PCDH15: variants seen among roughly 807,000 people sequenced by gnomAD.
The protein encoded by PCDH15 is protocadherin related 15.
PCDH15 carries 129 observed loss-of-function variants against 178.5 expected under a neutral mutation model. The observed-to-expected ratio is 0.72, with a 90% confidence interval of 0.63 to 0.84. The LOEUF is 0.84. Among genes scored for constraint, PCDH15 ranks in the 40% least tolerant of loss-of-function variants. The pLI is 0.00. For synonymous variants in PCDH15, 800 were observed against 732.0 expected (o/e 1.09, Z -1.50); for missense variants, 2,230 against 2,099.9 (o/e 1.06, Z -1.21).
At chr10:55,495,177 C>G (rs987551679) in intron 2 of PCDH15, among the ~76,000 whole-genome samples, 1 of 151,710 alleles carries the variant, frequency 6.6e-6, no homozygotes, top group Non-Finnish European at 1.5e-5. Context: ...TGTATGTCTT[C>G]ATGGCCTTGG....
chr10:55,347,159 G>A (rs1240007854), intron 2 of PCDH15, among the ~76,000 whole-genome samples: 1 of 152,092 alleles, frequency 6.6e-6, no homozygotes, highest in African/African-American at 2.4e-5. Context: ...AGGTTGTAGT[G>A]AGATGAGATC....
intron 2 of PCDH15, among the ~76,000 whole-genome samples, chr10:54,651,634 A>C (rs10509016): frequency 6.6e-6 from 1 of 152,078 alleles, no homozygotes; most frequent in Non-Finnish European, 1.5e-5. Context: ...AGTCACTCAA[A>C]GATAAGGGCT....
At chr10:55,464,033 G>GAAAGAA (rs1839770604) in intron 2 of PCDH15, among the ~76,000 whole-genome samples, 1 of 121,674 alleles carries the variant, frequency 8.2e-6, no homozygotes, top group Admixed American at 8.9e-5. Flanking sequence ...AAGAAAGAAA[G>GAAAGAA]AAAGAAAGAA....
intron 3 of PCDH15, among the ~76,000 whole-genome samples, chr10:54,478,515 C>T (rs1322816049): frequency 6.6e-6 from 1 of 151,976 alleles, no homozygotes; most frequent in Non-Finnish European, 1.5e-5. Context: ...TTCCTTTAAG[C>T]CAAATCTTTA....
At chr10:54,191,484 C>T (rs2048981445) in intron 11 of PCDH15, among the ~76,000 whole-genome samples, 1 of 152,122 alleles carries the variant, frequency 6.6e-6, no homozygotes. Context: ...AAAGAAACGA[C>T]AAGCAGTTGC....
intron 7 of PCDH15, among the ~76,000 whole-genome samples, chr10:54,321,180 T>A (rs2061581246): frequency 7.7e-6 from 1 of 129,510 alleles, no homozygotes; most frequent in East Asian, 2.0e-4. Context: ...TTTTTATTTA[T>A]AAAATATTTA....
intron 3 of PCDH15, among the ~76,000 whole-genome samples, chr10:54,443,353 C>T (rs1297481802): frequency 6.6e-6 from 1 of 151,284 alleles, no homozygotes; most frequent in Admixed American, 6.6e-5. Context: ...TCGGAAGCCC[C>T]TGGGAAATGG....
At chr10:54,703,027 C>T (rs932447389) in intron 1 of PCDH15, among the ~76,000 whole-genome samples, 5 of 152,062 alleles carry the variant, frequency 3.3e-5, no homozygotes, top group Non-Finnish European at 5.9e-5. Flanking sequence ...AGCTCATTCA[C>T]CATGATCAAG....
In PCDH15 at chr10:54,961,370, C is replaced by T. The variant is rs534086694; in HGVS notation, c.-79-63870G>A. On this transcript the variant is annotated intron_variant, in intron 2 of 5. Coordinates refer to the PCDH15 transcript ENST00000458638. ...GCCTGCAGGAACCCCTCCACATGAA[C>T]ATCCTGGGTGCTATGGATGGCATGT... is the stretch of plus-strand genomic sequence containing the variant. Among the ~76,000 whole-genome samples the T allele has an allele frequency of 1.1e-4, 17 of 152,332 alleles. No individual in the cohort carries two copies. In the East Asian group the frequency reaches 3.3e-3, roughly 30 times the overall value.
At chr10:54,801,927 CATAT>C (rs1952668226), upstream of PCDH15, among the ~76,000 whole-genome samples, 1 of 152,250 alleles carries the variant, frequency 6.6e-6, no homozygotes, top group East Asian at 1.9e-4. Context: ...ACAATTATGT[CATAT>C]AAATCAGAGA....
At chr10:55,522,359 C>T (rs1357272369) in intron 2 of PCDH15, among the ~76,000 whole-genome samples, 2 of 151,654 alleles carry the variant, frequency 1.3e-5, no homozygotes, top group Admixed American at 1.3e-4. Flanking sequence ...TTCAAATATG[C>T]TATTTCCCTA....
chr10:54,304,047 G>A (rs1259926793), intron 8 of PCDH15, among the ~76,000 whole-genome samples: 3 of 152,004 alleles, frequency 2.0e-5, no homozygotes, highest in Non-Finnish European at 1.5e-5. Context: ...AGAGGTTTTT[G>A]GATGTTTATT....
intron 2 of PCDH15, among the ~76,000 whole-genome samples, chr10:55,586,283 T>A (rs967230339): frequency 3.3e-5 from 5 of 151,910 alleles, no homozygotes; most frequent in African/African-American, 9.7e-5. Context: ...ATAATTCAAA[T>A]ATTATTTCAA....
chr10:54,018,890 G>C (rs2092824981), intron 20 of PCDH15, among the ~76,000 whole-genome samples: 1 of 151,646 alleles, frequency 6.6e-6, no homozygotes, highest in Non-Finnish European at 1.5e-5. Flanking sequence ...TATTTTTGGG[G>C]GTAGAACATA....
At chr10:55,084,797 A>G (rs532534129) in intron 2 of PCDH15, among the ~76,000 whole-genome samples, 1 of 152,114 alleles carries the variant, frequency 6.6e-6, no homozygotes, top group African/African-American at 2.4e-5. Flanking sequence ...AAGAAGACAT[A>G]CAAATGGCAA....
intron 2 of PCDH15, among the ~76,000 whole-genome samples, chr10:54,917,166 A>G (rs914207179): frequency 2.6e-5 from 4 of 152,168 alleles, no homozygotes; most frequent in African/African-American, 7.2e-5. Context: ...GAACATATGT[A>G]TTGTATAATC....
In PCDH15 at chr10:54,212,923, C is replaced by T. The variant is rs570921580; in HGVS notation, c.1098+1013G>A. On this transcript the variant is annotated intron_variant, in intron 10 of 37. Coordinates refer to ENST00000644397, the MANE Select transcript of PCDH15 (RefSeq NM_001384140.1). The stretch of plus-strand genomic sequence containing the variant: ...CTTACCTTATCCGAACTTTAGTTTC[C>T]CCATTTTGTGCAAATGAGAATATTA... 8.5e-5 allele frequency among the ~76,000 whole-genome samples: 13 copies of T among 152,138 alleles called. No homozygotes were observed. The South Asian group carries it at 2.3e-3, about 27-fold the overall frequency.
intron 26 of PCDH15, among the ~76,000 whole-genome samples, chr10:53,894,166 A>G (rs1315155845): frequency 5.3e-5 from 8 of 152,228 alleles, no homozygotes. Flanking sequence ...GATGAAATTT[A>G]AATTCTAGTA....
At chr10:53,821,498 A>G (rs2076268396) in intron 32 of PCDH15, 5 of 1,024,172 alleles carry the variant, frequency 4.9e-6, no homozygotes, top group Middle Eastern at 5.0e-4. Flanking sequence ...ACTACGATCA[A>G]AAACTAAATG....
Sources: allele counts gnomAD v4.1 joint callset (sites outside exome capture counted in the v4.1 genomes callset), GRCh38; gene constraint gnomAD v4.1.1; transcripts MANE v1.5; gene names NCBI Gene and HGNC (gene_info 2026-07-23, HGNC 2026-07-21).